Variants in CCDC25 observed in about 807,000 individuals in gnomAD.
The protein encoded by CCDC25 is coiled-coil domain-containing protein 25.
CCDC25 carries 16 observed loss-of-function variants against 35.3 expected under a neutral mutation model. That is an observed-to-expected ratio of 0.45 (90% confidence interval 0.31 to 0.69). The LOEUF (loss-of-function observed/expected upper bound fraction) is 0.69, where lower values mean the gene tolerates loss of function less well. Among genes scored for constraint, CCDC25 ranks in the 30% least tolerant of loss-of-function variants. The pLI is 0.06. For synonymous variants in CCDC25, 79 were observed against 80.3 expected (o/e 0.98, Z 0.09); for missense variants, 179 against 250.7 (o/e 0.71, Z 1.93).
intron 3 of CCDC25, among the ~76,000 whole-genome samples, chr8:27,761,129 CA>C (rs1171697280): frequency 1.9e-4 from 27 of 138,978 alleles, no homozygotes; most frequent in Admixed American, 2.2e-4. Flanking sequence ...AACTCCGTCT[CA>C]AAAAAAAAAA....
chr8:27,762,414 C>A lies in CCDC25; in HGVS notation c.116+5G>T. The A allele has an allele frequency of 6.2e-7, 1 of 1,613,024 alleles. No homozygotes were observed. Among genetic ancestry groups the A allele is most frequent in the Non-Finnish European group, 8.5e-7 (1 of 1,179,524 alleles). The stretch of plus-strand genomic sequence containing the variant: ...ACAGAGGGCAGAACCAAAATTGTTA[C>A]TTACCAGATATCTTCAGGCCAGCCA... On this transcript the variant is annotated splice_donor_5th_base_variant and intron_variant, in intron 3 of 8. Transcript: ENST00000356537.
At chr8:27,740,364 G>T (rs1327080238) in intron 8 of CCDC25, 108 bp downstream of exon 8, 3 of 1,074,170 alleles carry the variant, frequency 2.8e-6, no homozygotes, top group Non-Finnish European at 2.8e-6. Flanking sequence ...GCCAAATCAT[G>T]GTTAGCTATT....
chr8:27,752,535 A>G lies in CCDC25; in HGVS notation c.221T>C (p.Leu74Pro). Residue 74 changes from leucine (L) to proline (P), a missense_variant, in exon 5 of 9, where the codon CTT becomes CCT. By Grantham distance (98) the Leu-to-Pro change is moderately conservative (BLOSUM62 -3). Transcript: ENST00000356537. Reference sequence around the variant, plus strand: ...ACCTTGAATGCTATTGGCCTTCACAAGGTGGGCACAGTCCATCAGCACTTC... The same window carrying G: ...ACCTTGAATGCTATTGGCCTTCACAGGGTGGGCACAGTCCATCAGCACTTC... ...PKEVLMDCAH[L>P]VKANSIQGCK... is the part of the protein sequence containing the mutation. 6.2e-7 allele frequency: 1 copy of G among 1,613,724 alleles called. No individual in the cohort carries two copies. The highest frequency in any genetic ancestry group is 8.5e-7 in the Non-Finnish European group (1 of 1,179,724).
At chr8:27,736,943 C>T (rs1250446793) in intron 8 of CCDC25, among the ~76,000 whole-genome samples, 2 of 152,230 alleles carry the variant, frequency 1.3e-5, no homozygotes, top group African/African-American at 2.4e-5. Flanking sequence ...TTCTGATTTG[C>T]TTGCCAATGT....
chr8:27,766,646 T>A (rs17387237), intron 1 of CCDC25, among the ~76,000 whole-genome samples: 39,854 of 151,994 alleles, frequency 0.26, 6,217 homozygotes, highest in Middle Eastern at 0.35. Flanking sequence ...GGCCTGGCAA[T>A]AGTTCAAGTG....
At chr8:27,752,730 G>C (rs1189718682) in intron 4 of CCDC25, 143 bp from the exon 5 acceptor site, 1 of 425,198 alleles carries the variant, frequency 2.4e-6, no homozygotes, top group African/African-American at 2.1e-5. Flanking sequence ...ACACTGAAAA[G>C]TAAATTTACT....
chr8:27,763,338 T>A (rs1475220865), intron 2 of CCDC25, among the ~76,000 whole-genome samples: 1 of 152,216 alleles, frequency 6.6e-6, no homozygotes, highest in Non-Finnish European at 1.5e-5. Context: ...AAAGGTTATA[T>A]CAATAAATAT....
intron 7 of CCDC25, 187 bp downstream of exon 7, chr8:27,747,889 GC>G (rs1373792846): frequency 8.4e-6 from 5 of 594,980 alleles, no homozygotes; most frequent in Non-Finnish European, 1.5e-5. Flanking sequence ...CCATAAACAA[GC>G]AATTCTTTTA....
chr8:27,766,945 T>C (rs185179027), intron 1 of CCDC25, among the ~76,000 whole-genome samples: 19,646 of 152,184 alleles, frequency 0.13, 1,480 homozygotes, highest in East Asian at 0.33. Context: ...TACACATACA[T>C]GTTTTATTTT....
At chr8:27,772,164 T>G in intron 1 of CCDC25, 6 of 380,494 alleles carry the variant, frequency 1.6e-5, no homozygotes, top group South Asian at 3.8e-5. Flanking sequence ...AGGCCGCAGA[T>G]GGAAGGTGGG....
chr8:27,759,801 A>G (rs1804161149), intron 3 of CCDC25, among the ~76,000 whole-genome samples: 2 of 144,266 alleles, frequency 1.4e-5, no homozygotes, highest in Non-Finnish European at 3.0e-5. Context: ...AAAAAAAAAG[A>G]TGAATTTAGT....
chr8:27,747,699 G>A, intron 7 of CCDC25: 1 of 200,450 alleles, frequency 5.0e-6, no homozygotes, highest in South Asian at 1.0e-4. Flanking sequence ...ACTAGCATTG[G>A]TTTTTAGAGC....
intron 7 of CCDC25, among the ~76,000 whole-genome samples, chr8:27,746,962 A>G (rs556184498): frequency 6.6e-6 from 1 of 152,364 alleles, no homozygotes; most frequent in African/African-American, 2.4e-5. Flanking sequence ...TTCTGATTCT[A>G]CACCATTTCC....
rs891781415 is a variant in CCDC25, at chr8:27,772,544, C to T, written c.-4G>A. The T allele has an allele frequency of 1.4e-5, 21 of 1,549,480 alleles. No individual in the cohort carries two copies. The highest frequency in any genetic ancestry group is 1.9e-4 in the Middle Eastern group (1 of 5,160). On this transcript the variant is annotated 5_prime_UTR_variant, in exon 1 of 9. Coordinates refer to ENST00000356537, the MANE Select transcript of CCDC25 (RefSeq NM_018246.3). ...TGCTGGTGAAGTAGAACACCATGATCCCGGGAGCGGTGCGGTGACTCCACC... is the reference window on the plus strand; with the variant it reads ...TGCTGGTGAAGTAGAACACCATGATTCCGGGAGCGGTGCGGTGACTCCACC...
At position 27,762,409 on chromosome 8, in the gene CCDC25, T is replaced by C; in HGVS notation, c.116+10A>G. ...GATCTACAGAGGGCAGAACCAAAAT[T>C]GTTACTTACCAGATATCTTCAGGCC... On this transcript the variant is annotated intron_variant, in intron 3 of 8. Transcript: ENST00000356537. 6.2e-7 allele frequency: 1 copy of C among 1,612,774 alleles called. No individual in the cohort carries two copies. The highest frequency in any genetic ancestry group is 8.5e-7 in the Non-Finnish European group (1 of 1,179,308).
intron 7 of CCDC25, among the ~76,000 whole-genome samples, chr8:27,744,204 A>C (rs1180528096): frequency 6.6e-6 from 1 of 152,204 alleles, no homozygotes; most frequent in Non-Finnish European, 1.5e-5. Context: ...GCTTAATATG[A>C]ATTATGACAT....
intron 4 of CCDC25, among the ~76,000 whole-genome samples, chr8:27,755,311 C>T (rs547693607): frequency 4.6e-5 from 7 of 152,288 alleles, no homozygotes; most frequent in East Asian, 1.9e-4. Flanking sequence ...TGGGAGCACA[C>T]GGGAGCCCGC....
chr8:27,761,496 A>G (rs569660193), intron 3 of CCDC25, among the ~76,000 whole-genome samples: 4 of 152,380 alleles, frequency 2.6e-5, no homozygotes, highest in Admixed American at 6.5e-5. Context: ...CATATAGTTA[A>G]GTGCTTGACA....
At chr8:27,756,883 T>C (rs543263932) in intron 3 of CCDC25, 113 bp from the exon 4 acceptor site, 3 of 742,728 alleles carry the variant, frequency 4.0e-6, no homozygotes, top group South Asian at 3.1e-5. Context: ...GCCTGCCACA[T>C]GTGAAGCATC....
Sources: allele counts gnomAD v4.1 joint callset (sites outside exome capture counted in the v4.1 genomes callset), GRCh38; gene constraint gnomAD v4.1.1; transcripts MANE v1.5; gene names NCBI Gene and HGNC (gene_info 2026-07-23, HGNC 2026-07-21).